Variants in MAP4K3 observed in about 807,000 individuals in gnomAD.
MAP4K3 encodes the protein MAPK/ERK kinase kinase kinase 3.
Under a neutral mutation model 143.5 loss-of-function variants are expected in MAP4K3, and 94 were observed. That is an observed-to-expected ratio of 0.65 (90% CI 0.55 to 0.78). The LOEUF (loss-of-function observed/expected upper bound fraction) is 0.78. MAP4K3 is among the 30% of genes least tolerant of loss of function. The pLI, the probability that MAP4K3 is intolerant of heterozygous loss-of-function variation, is 0.00. For synonymous variants in MAP4K3, 416 were observed against 347.2 expected, an observed-to-expected ratio of 1.20 and a Z score of -2.20; for missense variants, 1,077 against 1,068.1, an observed-to-expected ratio of 1.01 and a Z score of -0.12.
chr2:39,405,119 C>T (rs1165881774), intron 1 of MAP4K3, among the ~76,000 whole-genome samples: 1 of 152,226 alleles, frequency 6.6e-6, no homozygotes, highest in Non-Finnish European at 1.5e-5. Context: ...TTGGGCAAGA[C>T]CCAGTGCTGT....
At chr2:39,315,232 TAAAAC>T in intron 13 of MAP4K3, 73 bp downstream of exon 13, 1 of 1,028,706 alleles carries the variant, frequency 9.7e-7, no homozygotes, top group Non-Finnish European at 1.4e-6. Context: ...CAGAAGGAAA[TAAAAC>T]AAAAATAACT....
rs1364471666 is a variant in MAP4K3, at chr2:39,315,300, A to G, written c.997+10T>C. 1 of 1,536,082 alleles carries G rather than the reference A, an allele frequency of 6.5e-7. No individual in the cohort carries two copies. Among genetic ancestry groups the G allele is most frequent in the Non-Finnish European group, 9.0e-7 (1 of 1,111,132 alleles). On this transcript the variant is annotated intron_variant, in intron 13 of 33. Transcript: ENST00000263881. ...CATTAAATCATAAACTGTGTATAGT[A>G]TATACTTACAGGTTATCTCTGAGCG...
intron 1 of MAP4K3, among the ~76,000 whole-genome samples, chr2:39,391,160 C>T (rs1315654445): frequency 6.6e-6 from 1 of 151,588 alleles, no homozygotes; most frequent in African/African-American, 2.4e-5. Flanking sequence ...TCAAGACCAT[C>T]CTGGCTAACA....
chr2:39,263,574 C>T (rs886595223), intron 28 of MAP4K3, among the ~76,000 whole-genome samples: 7 of 151,990 alleles, frequency 4.6e-5, no homozygotes, highest in South Asian at 4.2e-4. Flanking sequence ...CCACCGCGCC[C>T]GGCCCATATA....
At chr2:39,382,800 G>A (rs796841906) in intron 1 of MAP4K3, among the ~76,000 whole-genome samples, 5 of 152,296 alleles carry the variant, frequency 3.3e-5, no homozygotes, top group African/African-American at 9.6e-5. Context: ...CCAGTTTAAA[G>A]CACTATGTTA....
In MAP4K3 at chr2:39,372,487, C is replaced by G. The variant is rs554464040; in HGVS notation, c.154+5579G>C. Among the ~76,000 whole-genome samples, 16 of 149,294 alleles carry G rather than the reference C, an allele frequency of 1.1e-4. 1 individual carries two copies. The South Asian group carries it at 3.4e-3, about 32-fold the overall frequency. On this transcript the variant is annotated intron_variant, in intron 2 of 33. Coordinates refer to ENST00000263881, the MANE Select transcript of MAP4K3 (RefSeq NM_003618.4). ...AAGACCTAAAATAGCCAAAGCTATCCTAAGGAAAAAAAAAAAAAGAAACTG... is the reference window on the plus strand; with the variant it reads ...AAGACCTAAAATAGCCAAAGCTATCGTAAGGAAAAAAAAAAAAAGAAACTG...
chr2:39,419,296 T>C (rs1051602858), intron 1 of MAP4K3, among the ~76,000 whole-genome samples: 2 of 152,116 alleles, frequency 1.3e-5, no homozygotes, highest in Admixed American at 6.5e-5. Flanking sequence ...AGTTTACAGA[T>C]TTTTCTTCTA....
At position 39,261,003 on chromosome 2, in the gene MAP4K3, A is replaced by G. The variant is rs1469084735; in HGVS notation, c.2137-226T>C. On this transcript the variant is annotated intron_variant, in intron 28 of 33. Coordinates refer to ENST00000263881, the MANE Select transcript of MAP4K3 (RefSeq NM_003618.4). ...CATGATTTTAGGACATTAAGGCTGG[A>G]AGGGAATTTATAAGTCACGTGTCCA... The G allele has an allele frequency of 1.0e-5, 4 of 395,746 alleles. No individual in the cohort carries two copies. In the East Asian group the frequency reaches 1.5e-4, roughly 15 times the overall value. 24.5% of individuals were successfully genotyped at this position (395,746 alleles called of 1,614,324 possible).
At chr2:39,354,939 A>G (rs536875945) in intron 3 of MAP4K3, among the ~76,000 whole-genome samples, 1 of 152,296 alleles carries the variant, frequency 6.6e-6, no homozygotes, top group East Asian at 1.9e-4. Flanking sequence ...GAAAAACTGA[A>G]GAGTTTTTTT....
intron 2 of MAP4K3, among the ~76,000 whole-genome samples, chr2:39,372,869 A>G (rs1666120378): frequency 6.6e-6 from 1 of 152,232 alleles, no homozygotes; most frequent in East Asian, 1.9e-4. Flanking sequence ...TCTCCATGAC[A>G]CTGGTGTGGG....
chr2:39,390,783 A>G (rs1335697498), intron 1 of MAP4K3, among the ~76,000 whole-genome samples: 1 of 152,182 alleles, frequency 6.6e-6, no homozygotes, highest in African/African-American at 2.4e-5. Flanking sequence ...AAAAAAAAAA[A>G]AATACTGGAA....
At chr2:39,319,618 T>C (rs1683237094) in intron 12 of MAP4K3, among the ~76,000 whole-genome samples, 1 of 152,204 alleles carries the variant, frequency 6.6e-6, no homozygotes, top group African/African-American at 2.4e-5. Context: ...TAATATTTAT[T>C]TTGTCAAACA....
chr2:39,392,638 G>A (rs1666698061), intron 1 of MAP4K3, among the ~76,000 whole-genome samples: 1 of 152,208 alleles, frequency 6.6e-6, no homozygotes, highest in African/African-American at 2.4e-5. Context: ...GTCCCTCAAA[G>A]CTTATGTGTT....
chr2:39,356,491 C>T (rs1484873962), intron 2 of MAP4K3, 152 bp from the exon 3 acceptor site: 5 of 564,910 alleles, frequency 8.9e-6, no homozygotes, highest in Non-Finnish European at 1.5e-5. Flanking sequence ...AATGGTATTA[C>T]TTTTAATGAC....
At chr2:39,309,144 G>C (rs1412614302) in intron 14 of MAP4K3, among the ~76,000 whole-genome samples, 1 of 151,914 alleles carries the variant, frequency 6.6e-6, no homozygotes, top group Non-Finnish European at 1.5e-5. Context: ...TGTTTTTAAA[G>C]ACAAGGTCTC....
intron 1 of MAP4K3, among the ~76,000 whole-genome samples, chr2:39,395,219 T>C (rs1160532073): frequency 6.6e-6 from 1 of 152,232 alleles, no homozygotes; most frequent in Non-Finnish European, 1.5e-5. Context: ...CAAAGGGCTC[T>C]GTTGTATAAA....
At chr2:39,273,875 C>T (rs192875853) in intron 24 of MAP4K3, among the ~76,000 whole-genome samples, 20 of 152,118 alleles carry the variant, frequency 1.3e-4, no homozygotes, top group Non-Finnish European at 2.6e-4. Flanking sequence ...ACTTCATTGG[C>T]TATACTGAAA....
intron 1 of MAP4K3, among the ~76,000 whole-genome samples, chr2:39,400,176 C>T (rs549228030): frequency 1.9e-4 from 29 of 152,146 alleles, no homozygotes; most frequent in Non-Finnish European, 2.8e-4. Flanking sequence ...TAACCCTCCC[C>T]ATCCCTCCAT....
chr2:39,263,568 C>T (rs1039299206), intron 28 of MAP4K3, among the ~76,000 whole-genome samples: 2 of 151,800 alleles, frequency 1.3e-5, no homozygotes, highest in South Asian at 2.1e-4. Flanking sequence ...CGTGAGCCAC[C>T]GCGCCCGGCC....
Sources: gnomAD v4.1 joint callset for allele counts (sites outside exome capture counted in the v4.1 genomes callset) on GRCh38, gnomAD v4.1.1 for gene constraint, MANE v1.5 for transcripts, NCBI Gene and HGNC (gene_info 2026-07-23, HGNC 2026-07-21) for gene names.